Variants in IGSF3 observed in about 807,000 individuals in gnomAD.
IGSF3 encodes immunoglobulin superfamily member 3.
IGSF3 carries 23 observed loss-of-function variants against 114.4 expected under a neutral mutation model. The ratio of observed to expected loss-of-function variants is 0.20; its 90% confidence interval spans 0.14 to 0.28. The LOEUF is 0.28. Among genes scored for constraint, IGSF3 ranks in the 10% least tolerant of loss-of-function variants. IGSF3 has a pLI of 1.00. For missense variants in IGSF3, 1,172 were observed against 1,591.5 expected, an observed-to-expected ratio of 0.74 and a Z score of 4.48; for synonymous variants, 571 against 645.2, an observed-to-expected ratio of 0.88 and a Z score of 1.74.
chr1:116,648,497 C>T lies in IGSF3; in HGVS notation c.43+17787G>A, dbSNP rs895447379. On this transcript the variant is annotated intron_variant, in intron 2 of 10. Coordinates refer to ENST00000369486, the MANE Select transcript of IGSF3 (RefSeq NM_001007237.3). The surrounding 1 kb of genome is among the most constrained non-coding windows in gnomAD (Gnocchi z 4.7). ...ATCTGCACTTTTACCTGCTGCCTGA[C>T]GAAAACCAGATGCCAAAGCCAAAGG... is the stretch of plus-strand genomic sequence containing the variant. Among the ~76,000 whole-genome samples the T allele has an allele frequency of 3.9e-5, 6 of 152,136 alleles. 1 individual carries two copies. In the South Asian group the frequency reaches 6.2e-4, roughly 16 times the overall value.
rs1649292392 is a variant in IGSF3, at chr1:116,665,478, T to C, written c.43+806A>G. 6.6e-6 allele frequency among the ~76,000 whole-genome samples: 1 copy of C among 152,172 alleles called. No individual in the cohort carries two copies. Among genetic ancestry groups the C allele is most frequent in the South Asian group, 2.1e-4 (1 of 4,820 alleles). Reference sequence around the variant, plus strand: ...TGAGATGTGTTCTAAGACAGCACGCTGAAGACAGTGCTCAATGGCATAAAA... The same window carrying C: ...TGAGATGTGTTCTAAGACAGCACGCCGAAGACAGTGCTCAATGGCATAAAA... On this transcript the variant is annotated intron_variant, in intron 2 of 10. Coordinates refer to ENST00000369486, the MANE Select transcript of IGSF3 (RefSeq NM_001007237.3). The surrounding 1 kb of genome is among the most constrained non-coding windows in gnomAD (Gnocchi z 4.0).
At position 116,606,821 on chromosome 1, in the gene IGSF3, A is replaced by AC. The variant is rs1241636946; in HGVS notation, c.1222+1120dup. Among the ~76,000 whole-genome samples, 11 of 152,356 alleles carry AC rather than the reference A, an allele frequency of 7.2e-5. No individual in the cohort carries two copies. The East Asian group carries it at 2.1e-3, about 29-fold the overall frequency. ...AGCGAGCACCTACTCTATGCAAAGC[A>AC]CCATGCTAGGCATTGCAGGGCGGAA... On this transcript the variant is annotated intron_variant, in intron 5 of 10. Transcript: ENST00000369486.
At chr1:116,601,477 G>A (rs1336811882) in intron 6 of IGSF3, among the ~76,000 whole-genome samples, 1 of 151,934 alleles carries the variant, frequency 6.6e-6, no homozygotes, top group Non-Finnish European at 1.5e-5. Flanking sequence ...TCTCTGTGAA[G>A]ATTAAATAAA....
Position 116,662,132 on chromosome 1 carries a change from G to A in IGSF3, c.43+4152C>T, listed in dbSNP as rs1288030531. Among the ~76,000 whole-genome samples, 4 of 151,760 alleles carry A rather than the reference G, an allele frequency of 2.6e-5. No individual in the cohort carries two copies. Among genetic ancestry groups the A allele is most frequent in the South Asian group, 4.2e-4 (2 of 4,816 alleles). ...ATTGCCCAGGCTGGAGTGCAACGGC[G>A]CGATCTCGGCTCACTGCAACCTCTG... On this transcript the variant is annotated intron_variant, in intron 2 of 10. Transcript: ENST00000369486. The surrounding 1 kb of genome is among the most constrained non-coding windows in gnomAD (Gnocchi z 4.3).
rs992199472 is a variant in IGSF3 at position 116,624,106 on chromosome 1, G to A, written c.44-7649C>T. 6.0e-5 allele frequency among the ~76,000 whole-genome samples: 9 copies of A among 151,142 alleles called. No individual in the cohort carries two copies. Among genetic ancestry groups the A allele is most frequent in the Admixed American group, 5.9e-4 (9 of 15,144 alleles). ...TATCTAAAAAAAAAACAAAAAAAAG[G>A]TCCCTGAGGATCCCTCGAGCCTGGG... On this transcript the variant is annotated intron_variant, in intron 2 of 10. Coordinates refer to ENST00000369486, the MANE Select transcript of IGSF3 (RefSeq NM_001007237.3). The surrounding 1 kb of genome is among the most constrained non-coding windows in gnomAD (Gnocchi z 4.9).
chr1:116,641,495 C>CAAAAAAAAAAAAAA (rs57930787), intron 2 of IGSF3, among the ~76,000 whole-genome samples: 2 of 40,698 alleles, frequency 4.9e-5, no homozygotes, highest in African/African-American at 8.7e-5. Flanking sequence ...GACTCTGTCT[C>CAAAAAAAAAAAAAA]AAAAAAAAAA....
rs1343417664 is a variant in IGSF3, at chr1:116,657,153, A to T, written c.43+9131T>A. On this transcript the variant is annotated intron_variant, in intron 2 of 10. Coordinates refer to ENST00000369486, the MANE Select transcript of IGSF3 (RefSeq NM_001007237.3). This position sits in a 1 kb window ranked among gnomAD's most constrained non-coding sequence, Gnocchi z 4.2. ...AAAGACTGTAAAATTTCATTCTCTG[A>T]AAGTCTTTTTAAAAAGGAATAGATT... 6.6e-6 allele frequency among the ~76,000 whole-genome samples: 1 copy of T among 152,168 alleles called. No homozygotes were observed. The highest frequency in any genetic ancestry group is 1.5e-5 in the Non-Finnish European group (1 of 68,040).
Position 116,644,423 on chromosome 1 carries a change from C to A in IGSF3, c.43+21861G>T, listed in dbSNP as rs61787764. ...CAGCAGGAATTCAGCCTCTGGCAGC[C>A]GTGATGATGCTGAGGCAGTGTCCCC... On this transcript the variant is annotated intron_variant, in intron 2 of 10. Coordinates refer to ENST00000369486, the MANE Select transcript of IGSF3 (RefSeq NM_001007237.3). The surrounding 1 kb of genome is among the most constrained non-coding windows in gnomAD (Gnocchi z 5.6). Among the ~76,000 whole-genome samples, 1 of 152,232 alleles carries A rather than the reference C, an allele frequency of 6.6e-6. No individual in the cohort carries two copies. The highest frequency in any genetic ancestry group is 1.5e-5 in the Non-Finnish European group (1 of 68,034).
In IGSF3 at chr1:116,655,896, C is replaced by T. The variant is rs932177158; in HGVS notation, c.43+10388G>A. Among the ~76,000 whole-genome samples the T allele has an allele frequency of 2.6e-5, 4 of 152,014 alleles. No individual in the cohort carries two copies. The highest frequency in any genetic ancestry group is 7.3e-5 in the African/African-American group (3 of 41,352). ...ATGCAGAATAAACAAGTCAATTATT[C>T]TCACTAAATACATTAAAATTTAAGG... On this transcript the variant is annotated intron_variant, in intron 2 of 10. Coordinates refer to ENST00000369486, the MANE Select transcript of IGSF3 (RefSeq NM_001007237.3). The surrounding 1 kb of genome is among the most constrained non-coding windows in gnomAD (Gnocchi z 4.3).
At position 116,588,898 on chromosome 1, in the gene IGSF3, C is replaced by T. The variant is rs771979246; in HGVS notation, c.2236G>A (p.Glu746Lys). Residue 746 changes from glutamate to lysine, a missense_variant, in exon 8 of 11, where the codon GAG (glutamate) becomes AAG (lysine). Transcript: ENST00000369486. This position sits in a 1 kb window ranked among gnomAD's most constrained non-coding sequence, Gnocchi z 4.9. ...NSAFEYGTYA[E>K]EEGLRARLQF... is the part of the protein sequence containing the mutation. ...AGCCTGGCTCTCAGGCCCTCCTCCT[C>T]GGCGTAAGTACCGTATTCAAAGGCG... 9 of 1,614,070 alleles carry T rather than the reference C, an allele frequency of 5.6e-6. No individual in the cohort carries two copies. Among genetic ancestry groups the T allele is most frequent in the African/African-American group, 2.7e-5 (2 of 74,924 alleles).
intron 2 of IGSF3, among the ~76,000 whole-genome samples, chr1:116,660,536 G>A (rs1649069993): frequency 7.4e-6 from 1 of 136,036 alleles, no homozygotes; most frequent in African/African-American, 2.8e-5. Flanking sequence ...CCAGTCTGCA[G>A]TGCAGTGGCG....
Position 116,608,090 on chromosome 1 carries a change from G to C in IGSF3, c.1074C>G (p.Val358=). 2 of 1,613,970 alleles carry C rather than the reference G, an allele frequency of 1.2e-6. No homozygotes were observed. Among genetic ancestry groups the C allele is most frequent in the Non-Finnish European group, 1.7e-6 (2 of 1,179,882 alleles). The change falls in exon 5 of 11, where the codon GTC becomes GTG. Residue 358 remains valine, a synonymous_variant. Transcript: ENST00000369486. The part of the protein sequence containing the change: ...QLKVAKESDS[V]FVLKIYHLRQ... Reference sequence around the variant, plus strand: ...GGAGGTGGTAGATCTTCAGCACAAAGACACTGTCGCTCTCTTTGGCCACCT... The same window carrying C: ...GGAGGTGGTAGATCTTCAGCACAAACACACTGTCGCTCTCTTTGGCCACCT...
chr1:116,575,880 A>G lies in IGSF3; in HGVS notation c.*1432T>C, dbSNP rs1382495478. 1 of 152,258 alleles carries G rather than the reference A, an allele frequency of 6.6e-6. No homozygotes were observed. Among genetic ancestry groups the G allele is most frequent in the Non-Finnish European group, 1.5e-5 (1 of 68,074 alleles). The allele number at this position is 152,258 out of a possible 1,614,324, so 9.4% of individuals were successfully genotyped here. A position where few individuals can be genotyped will look rare whatever the true frequency, so the allele number is the denominator to read the frequency against. ...ATAAAAAGCCACCATAACAATGAAC[A>G]ACCAAACAACCTAGAACCACAAGAG... On this transcript the variant is annotated 3_prime_UTR_variant, in exon 11 of 11. Transcript: ENST00000369486. The surrounding 1 kb of genome is among the most constrained non-coding windows in gnomAD (Gnocchi z 5.6).
chr1:116,644,169 A>T lies in IGSF3; in HGVS notation c.43+22115T>A, dbSNP rs1648235766. Among the ~76,000 whole-genome samples the T allele has an allele frequency of 1.3e-5, 2 of 152,246 alleles. No individual in the cohort carries two copies. Among genetic ancestry groups the T allele is most frequent in the Admixed American group, 1.3e-4 (2 of 15,286 alleles). The stretch of plus-strand genomic sequence containing the variant: ...TAAAGACAAAAGTAAACCCAACTAC[A>T]CATTCCTCAAAATCCTCCTCTCCAT... On this transcript the variant is annotated intron_variant, in intron 2 of 10. Coordinates refer to ENST00000369486, the MANE Select transcript of IGSF3 (RefSeq NM_001007237.3). The surrounding 1 kb of genome is among the most constrained non-coding windows in gnomAD (Gnocchi z 5.6).
At position 116,666,408 on chromosome 1, in the gene IGSF3, T is replaced by C; in HGVS notation, c.-82A>G. Reference sequence around the variant, plus strand: ...TCTCTCATTTCTGGCAATCCACTTATAGCTCCAGAGAACAGTTTTGGAAAT... The same window carrying C: ...TCTCTCATTTCTGGCAATCCACTTACAGCTCCAGAGAACAGTTTTGGAAAT... On this transcript the variant is annotated 5_prime_UTR_variant, in exon 2 of 11. Coordinates refer to ENST00000369486, the MANE Select transcript of IGSF3 (RefSeq NM_001007237.3). 1 of 1,274,018 alleles carries C rather than the reference T, an allele frequency of 7.8e-7. No individual in the cohort carries two copies. The highest frequency in any genetic ancestry group is 1.1e-6 in the Non-Finnish European group (1 of 869,824). The allele number at this position is 1,274,018 out of a possible 1,614,324, so 78.9% of individuals were successfully genotyped here. A position where few individuals can be genotyped will look rare whatever the true frequency, so the allele number is the denominator to read the frequency against.
At position 116,597,882 on chromosome 1, in the gene IGSF3, T is replaced by C. The variant is rs1035008551; in HGVS notation, c.2029+2059A>G. ...CCAACCACTTTGAGCCTTGGTTTCC[T>C]CATTAGCAAAATAGGGATACAAACA... On this transcript the variant is annotated intron_variant, in intron 7 of 10. Transcript: ENST00000369486. Among the ~76,000 whole-genome samples, 3 of 152,228 alleles carry C rather than the reference T, an allele frequency of 2.0e-5. No individual in the cohort carries two copies. The East Asian group carries it at 5.8e-4, about 29-fold the overall frequency.
chr1:116,636,247 T>C lies in IGSF3; in HGVS notation c.44-19790A>G, dbSNP rs532096030. On this transcript the variant is annotated intron_variant, in intron 2 of 10. Transcript: ENST00000369486. This position sits in a 1 kb window ranked among gnomAD's most constrained non-coding sequence, Gnocchi z 4.5. The stretch of plus-strand genomic sequence containing the variant: ...CTGATCAAAGTTGCTTTCACAGGCA[T>C]CTGTTCAGCTATCCACTCTTCACGG... Among the ~76,000 whole-genome samples the C allele has an allele frequency of 1.3e-5, 2 of 152,354 alleles. No homozygotes were observed. Among genetic ancestry groups the C allele is most frequent in the South Asian group, 2.1e-4 (1 of 4,830 alleles).
rs1386441893 is a variant in IGSF3 at position 116,595,236 on chromosome 1, C to T, written c.2029+4705G>A. Reference sequence around the variant, plus strand: ...GGCTCCTTGATGCCAATAACAAGTGCCCCGGTGTTACCATGACAACAGGCC... The same window carrying T: ...GGCTCCTTGATGCCAATAACAAGTGTCCCGGTGTTACCATGACAACAGGCC... On this transcript the variant is annotated intron_variant, in intron 7 of 10. Coordinates refer to ENST00000369486, the MANE Select transcript of IGSF3 (RefSeq NM_001007237.3). The surrounding 1 kb of genome is among the most constrained non-coding windows in gnomAD (Gnocchi z 4.2). 3.9e-5 allele frequency among the ~76,000 whole-genome samples: 6 copies of T among 152,176 alleles called. No individual in the cohort carries two copies. The highest frequency in any genetic ancestry group is 7.3e-5 in the Non-Finnish European group (5 of 68,032).
In IGSF3 at chr1:116,586,623, C is replaced by T. The variant is rs1467808695; in HGVS notation, c.2441-1571G>A. ...GAGGGGGGTCCTTCTAGTCCTTCCG[C>T]ACTGTCCCACTTAGCTTGATTGTAG... On this transcript the variant is annotated intron_variant, in intron 8 of 10. Transcript: ENST00000369486. 2.0e-5 allele frequency among the ~76,000 whole-genome samples: 3 copies of T among 152,244 alleles called. No homozygotes were observed. The East Asian group carries it at 5.8e-4, about 29-fold the overall frequency.
Sources: allele counts gnomAD v4.1 joint callset (sites outside exome capture counted in the v4.1 genomes callset), GRCh38; gene constraint gnomAD v4.1.1; non-coding constraint Gnocchi (gnomAD v3.1); transcripts MANE v1.5; gene names NCBI Gene and HGNC (gene_info 2026-07-23, HGNC 2026-07-21).